The following SLC4A5 variants were observed in gnomAD, a reference collection of about 807,000 sequenced individuals.
The protein encoded by SLC4A5 is electrogenic sodium bicarbonate cotransporter 4.
In SLC4A5, 96 loss-of-function variants were observed where a neutral mutation model predicts 120.4. The observed-to-expected ratio is 0.80, with a 90% confidence interval of 0.68 to 0.94. The LOEUF (loss-of-function observed/expected upper bound fraction) is 0.94. Among genes scored for constraint, SLC4A5 ranks in the 40% least tolerant of loss-of-function variants. The pLI is 0.00. For synonymous variants in SLC4A5, 550 were observed against 571.1 expected, an observed-to-expected ratio of 0.96 and a Z score of 0.53; for missense variants, 1,259 against 1,459.5, an observed-to-expected ratio of 0.86 and a Z score of 2.24.
intron 18 of SLC4A5, 89 bp downstream of exon 18, chr2:74,248,264 C>T (rs1413672628): frequency 2.6e-6 from 4 of 1,523,252 alleles, no homozygotes; most frequent in South Asian, 2.5e-5. Flanking sequence ...GCACCACCAC[C>T]TACCCTTGGG....
chr2:74,224,861 G>A (rs1360144286), exon 28 of SLC4A5: 1 of 1,612,720 alleles, frequency 6.2e-7, no homozygotes, highest in Admixed American at 1.7e-5. Context: ...AGTCCTCGTG[G>A]GCCCCTTTTT....
intron 17 of SLC4A5, 95 bp from the exon 18 acceptor site, chr2:74,248,581 C>T: frequency 6.9e-7 from 1 of 1,445,942 alleles, no homozygotes; most frequent in Non-Finnish European, 9.4e-7. Flanking sequence ...GGGCCCAGGC[C>T]ACAGTGTTTA....
chr2:74,299,116 C>T (rs1165888118), intron 7 of SLC4A5, among the ~76,000 whole-genome samples: 2 of 151,258 alleles, frequency 1.3e-5, no homozygotes, highest in African/African-American at 2.5e-5. Flanking sequence ...TTTGGGAGGC[C>T]GAGGAAGGCA....
chr2:74,261,676 A>G (rs930348615), intron 11 of SLC4A5, among the ~76,000 whole-genome samples: 2 of 152,152 alleles, frequency 1.3e-5, no homozygotes, highest in African/African-American at 4.8e-5. Context: ...ATTCCCAGAA[A>G]AAAGGGGCCG....
chr2:74,265,791 T>C (rs1165655142), intron 8 of SLC4A5, among the ~76,000 whole-genome samples: 1 of 152,188 alleles, frequency 6.6e-6, no homozygotes, highest in Non-Finnish European at 1.5e-5. Flanking sequence ...TTTTCACTCT[T>C]TTTGCCTCTG....
chr2:74,283,181 A>G (rs1218792498), intron 8 of SLC4A5, among the ~76,000 whole-genome samples: 1 of 152,200 alleles, frequency 6.6e-6, no homozygotes, highest in African/African-American at 2.4e-5. Context: ...AAAGTCCATT[A>G]TCCCTCAAGT....
chr2:74,290,510 TGTG>T (rs1672125177), intron 7 of SLC4A5: 3 of 984,148 alleles, frequency 3.0e-6, no homozygotes, highest in Admixed American at 6.2e-5. Flanking sequence ...AGAATATAGG[TGTG>T]GTAAGTGTAA....
intron 11 of SLC4A5, among the ~76,000 whole-genome samples, chr2:74,260,091 TG>T (rs1008425294): frequency 3.5e-4 from 53 of 152,318 alleles, no homozygotes; most frequent in Admixed American, 2.8e-3. Context: ...AAACATGGGC[TG>T]GGGATTTAGG....
At chr2:74,307,832 C>T in intron 6 of SLC4A5, 1 of 485,058 alleles carries the variant, frequency 2.1e-6, no homozygotes. Flanking sequence ...GGCCCCCAGA[C>T]CCCATGCCAC....
intron 8 of SLC4A5, among the ~76,000 whole-genome samples, chr2:74,277,021 G>A (rs1043803564): frequency 3.3e-5 from 5 of 152,180 alleles, no homozygotes; most frequent in Non-Finnish European, 5.9e-5. Context: ...CAGCCCTTGA[G>A]AGATCATGCC....
intron 5 of SLC4A5, among the ~76,000 whole-genome samples, chr2:74,322,748 A>T (rs1307779782): frequency 6.6e-6 from 1 of 152,202 alleles, no homozygotes; most frequent in Non-Finnish European, 1.5e-5. Context: ...AAAATGGGTC[A>T]ACTGAGCACT....
chr2:74,246,973 TG>T, intron 19 of SLC4A5, 62 bp downstream of exon 19: 1 of 1,579,916 alleles, frequency 6.3e-7, no homozygotes, highest in South Asian at 1.2e-5. Context: ...AGAGCTGTGG[TG>T]AAGGATCAGG....
At chr2:74,279,943 C>T (rs1166901585) in intron 8 of SLC4A5, among the ~76,000 whole-genome samples, 1 of 152,156 alleles carries the variant, frequency 6.6e-6, no homozygotes, top group African/African-American at 2.4e-5. Flanking sequence ...GCATCTCTCC[C>T]TTGGACCAGC....
chr2:74,289,611 C>T (rs116382491), intron 7 of SLC4A5, among the ~76,000 whole-genome samples: 2,681 of 152,298 alleles, frequency 0.018, 30 homozygotes, highest in Non-Finnish European at 0.02. Flanking sequence ...GCCACTGGAC[C>T]CAGCCTATTA....
chr2:74,309,991 G>C (rs1672759947), intron 6 of SLC4A5, among the ~76,000 whole-genome samples: 1 of 152,012 alleles, frequency 6.6e-6, no homozygotes, highest in South Asian at 2.1e-4. Flanking sequence ...TTAGATCTTT[G>C]ATTTCTTTCA....
chr2:74,262,105 A>G, intron 11 of SLC4A5, 32 bp downstream of exon 11: 1 of 1,591,374 alleles, frequency 6.3e-7, no homozygotes, highest in Non-Finnish European at 8.6e-7. Context: ...GCCTGAATAA[A>G]GCTGCCACAG....
At chr2:74,251,647 T>C (rs537362894) in intron 16 of SLC4A5, among the ~76,000 whole-genome samples, 73 of 152,272 alleles carry the variant, frequency 4.8e-4, no homozygotes, top group Middle Eastern at 3.4e-3. Flanking sequence ...CTGGGGTCCA[T>C]ACACAAAGAG....
chr2:74,278,754 G>A (rs754732320), intron 8 of SLC4A5, among the ~76,000 whole-genome samples: 1 of 152,212 alleles, frequency 6.6e-6, no homozygotes, highest in Non-Finnish European at 1.5e-5. Context: ...ATGACAAAGA[G>A]TATAATTATT....
At chr2:74,259,138 A>G (rs1671057712) in intron 12 of SLC4A5, among the ~76,000 whole-genome samples, 1 of 152,132 alleles carries the variant, frequency 6.6e-6, no homozygotes, top group Admixed American at 6.5e-5. Flanking sequence ...TTCATGGGAG[A>G]CCACAGGAAG....
Sources: allele counts gnomAD v4.1 joint callset (sites outside exome capture counted in the v4.1 genomes callset), GRCh38; gene constraint gnomAD v4.1.1; transcripts MANE v1.5; gene names NCBI Gene and HGNC (gene_info 2026-07-23, HGNC 2026-07-21).